CFAP299: variants seen among roughly 807,000 people sequenced by gnomAD.
The protein encoded by CFAP299 is cilia- and flagella-associated protein 299.
Under a neutral mutation model 27.0 loss-of-function variants are expected in CFAP299, and 21 were observed. The ratio of observed to expected loss-of-function variants is 0.78; its 90% confidence interval spans 0.55 to 1.12. The LOEUF is 1.12. CFAP299 is among the 50% of genes most tolerant of loss of function. The pLI, the probability that CFAP299 is intolerant of heterozygous loss-of-function variation, is 0.00. For missense variants in CFAP299, 310 were observed against 276.6 expected, an observed-to-expected ratio of 1.12 and a Z score of -0.86; for synonymous variants, 104 against 98.1, an observed-to-expected ratio of 1.06 and a Z score of -0.36.
chr4:80,896,698 G>A (rs955542725), intron 4 of CFAP299, among the ~76,000 whole-genome samples: 1 of 152,144 alleles, frequency 6.6e-6, no homozygotes. Flanking sequence ...CTTACATTTT[G>A]TAGTTTATAA....
intron 3 of CFAP299, among the ~76,000 whole-genome samples, chr4:80,776,069 ACT>A (rs1726521533): frequency 1.3e-5 from 2 of 152,042 alleles, no homozygotes; most frequent in Admixed American, 1.3e-4. Flanking sequence ...ACTCTTGCCA[ACT>A]CTAACACCAT....
intron 2 of CFAP299, among the ~76,000 whole-genome samples, chr4:80,570,286 G>T (rs1735520285): frequency 2.0e-5 from 3 of 151,866 alleles, no homozygotes; most frequent in Admixed American, 2.0e-4. Flanking sequence ...TGATATATTG[G>T]TATATATTCA....
intron 3 of CFAP299, among the ~76,000 whole-genome samples, chr4:80,675,840 C>T (rs926019354): frequency 1.3e-5 from 2 of 152,248 alleles, no homozygotes. Flanking sequence ...GTGGGACCTG[C>T]TGAGGCAGGC....
At chr4:80,873,813 T>C (rs1438453703) in intron 4 of CFAP299, among the ~76,000 whole-genome samples, 1 of 152,226 alleles carries the variant, frequency 6.6e-6, no homozygotes, top group Non-Finnish European at 1.5e-5. Context: ...GGCTTGCCTA[T>C]AGAGCTCTAC....
chr4:80,372,590 T>C (rs1578367174), intron 2 of CFAP299, among the ~76,000 whole-genome samples: 1 of 152,228 alleles, frequency 6.6e-6, no homozygotes, highest in Non-Finnish European at 1.5e-5. Context: ...AAGGCTGTAG[T>C]ATATCAGGGA....
chr4:80,945,687 T>C (rs1452165231), intron 5 of CFAP299, among the ~76,000 whole-genome samples: 1 of 152,120 alleles, frequency 6.6e-6, no homozygotes, highest in African/African-American at 2.4e-5. Flanking sequence ...AGAAAAAGAT[T>C]CTTTCATAGT....
rs1728598574 is a variant in CFAP299 at position 80,446,011 on chromosome 4, T to A, written c.242+83127T>A. ...GAAAGTTTGAAATGGTGTCTCTCCC[T>A]TTGATATTTATGCTGCGTGCTGGAG... On this transcript the variant is annotated intron_variant, in intron 2 of 5. Coordinates refer to ENST00000358105, the MANE Select transcript of CFAP299 (RefSeq NM_152770.3). Among the ~76,000 whole-genome samples, 5 of 152,302 alleles carry A rather than the reference T, an allele frequency of 3.3e-5. No homozygotes were observed. In the South Asian group the frequency reaches 1.0e-3, roughly 32 times the overall value.
intron 3 of CFAP299, among the ~76,000 whole-genome samples, chr4:80,722,925 ATAAAAG>A (rs1722924622): frequency 6.6e-6 from 1 of 152,034 alleles, no homozygotes; most frequent in Non-Finnish European, 1.5e-5. Context: ...AAAATCAATA[ATAAAAG>A]TAGAACAGAT....
chr4:80,368,342 T>G (rs1445391175), intron 2 of CFAP299, among the ~76,000 whole-genome samples: 1 of 152,208 alleles, frequency 6.6e-6, no homozygotes, highest in Non-Finnish European at 1.5e-5. Flanking sequence ...TTGTACCCTT[T>G]ATTCTCAAGT....
rs372042190 is a variant in CFAP299, at chr4:80,827,913, A to G, written c.334-42080A>G. On this transcript the variant is annotated intron_variant, in intron 3 of 5. Coordinates refer to ENST00000358105, the MANE Select transcript of CFAP299 (RefSeq NM_152770.3). ...CATTTCTGTACATGAACACTGAGCA[A>G]TCTGCAAAGGAAATTAAGACAATAG... Among the ~76,000 whole-genome samples the G allele has an allele frequency of 1.1e-4, 16 of 152,190 alleles. 1 individual carries two copies. Among genetic ancestry groups the G allele is most frequent in the African/African-American group, 3.8e-4 (16 of 41,564 alleles).
At chr4:80,768,971 A>AAGTT (rs1169480696) in intron 3 of CFAP299, among the ~76,000 whole-genome samples, 2 of 152,202 alleles carry the variant, frequency 1.3e-5, no homozygotes, top group Non-Finnish European at 2.9e-5. Context: ...GATTCAAGTA[A>AAGTT]AGCTTTATGT....
chr4:80,956,069 T>A (rs1738047471), intron 5 of CFAP299, among the ~76,000 whole-genome samples: 1 of 152,210 alleles, frequency 6.6e-6, no homozygotes, highest in African/African-American at 2.4e-5. Context: ...AATTTCCCAC[T>A]TGTGGAAATT....
chr4:80,333,300 A>C (rs1722007066), upstream of CFAP299, among the ~76,000 whole-genome samples: 1 of 152,174 alleles, frequency 6.6e-6, no homozygotes, highest in Non-Finnish European at 1.5e-5. Flanking sequence ...AGTGCAAAAA[A>C]GCTCTCCTTG....
chr4:80,554,439 G>A (rs1482642585), intron 2 of CFAP299, among the ~76,000 whole-genome samples: 1 of 144,030 alleles, frequency 6.9e-6, no homozygotes, highest in African/African-American at 2.6e-5. Flanking sequence ...CTCCAGCTTT[G>A]TTCTCTTTAT....
chr4:80,639,532 A>G (rs1739619274), intron 3 of CFAP299, among the ~76,000 whole-genome samples: 1 of 152,212 alleles, frequency 6.6e-6, no homozygotes, highest in African/African-American at 2.4e-5. Context: ...AAAATCATTA[A>G]ACCACATTTG....
At chr4:80,668,572 GT>G (rs1484254442) in intron 3 of CFAP299, among the ~76,000 whole-genome samples, 1 of 152,042 alleles carries the variant, frequency 6.6e-6, no homozygotes, top group African/African-American at 2.4e-5. Flanking sequence ...ATTCCCCATT[GT>G]TTGTTATTGG....
At chr4:80,510,906 G>T (rs112765114) in intron 2 of CFAP299, among the ~76,000 whole-genome samples, 1 of 152,130 alleles carries the variant, frequency 6.6e-6, no homozygotes, top group African/African-American at 2.4e-5. Flanking sequence ...TAGAAAAATG[G>T]ATATTCAGTA....
intron 3 of CFAP299, among the ~76,000 whole-genome samples, chr4:80,805,441 T>C (rs1315977805): frequency 1.3e-5 from 2 of 152,162 alleles, no homozygotes; most frequent in African/African-American, 4.8e-5. Context: ...ATTCATAAAA[T>C]AAATAATTTT....
intron 3 of CFAP299, among the ~76,000 whole-genome samples, chr4:80,747,630 G>A (rs1332832947): frequency 6.6e-6 from 1 of 151,968 alleles, no homozygotes; most frequent in Non-Finnish European, 1.5e-5. Context: ...TGTCTTGGTA[G>A]TACTCCACAC....
Sources: allele counts gnomAD v4.1 joint callset (sites outside exome capture counted in the v4.1 genomes callset), GRCh38; gene constraint gnomAD v4.1.1; transcripts MANE v1.5; gene names NCBI Gene and HGNC (gene_info 2026-07-23, HGNC 2026-07-21).